The following RYR3 variants were observed in gnomAD, a reference collection of about 807,000 sequenced individuals.
The protein encoded by RYR3 is brain ryanodine receptor-calcium release channel.
In RYR3, 207 loss-of-function variants were observed where a neutral mutation model predicts 584.3. That is an observed-to-expected ratio of 0.35 (90% CI 0.32 to 0.40). The LOEUF (loss-of-function observed/expected upper bound fraction) is 0.40. RYR3 is among the 10% of genes least tolerant of loss of function. The pLI is 1.00. For synonymous variants in RYR3, 2,416 were observed against 2,248.5 expected (o/e 1.07, Z -2.11); for missense variants, 5,616 against 6,089.2 (o/e 0.92, Z 2.59).
chr15:33,694,800 T>C (rs1459101499), intron 38 of RYR3, among the ~76,000 whole-genome samples: 1 of 152,242 alleles, frequency 6.6e-6, no homozygotes, highest in Non-Finnish European at 1.5e-5. Flanking sequence ...TGCTTCTCTC[T>C]GACTTGGGTG....
At position 33,465,453 on chromosome 15, in the gene RYR3, T is replaced by C. The variant is rs906691520; in HGVS notation, c.52-7966T>C. Among the ~76,000 whole-genome samples, 8 of 152,188 alleles carry C rather than the reference T, an allele frequency of 5.3e-5. No homozygotes were observed. In the East Asian group the frequency reaches 1.5e-3, roughly 29 times the overall value. ...CATCTAGCATGCAAAGGTTCCCTTT[T>C]TTCCATATGCTCACCAATACTTCAT... On this transcript the variant is annotated intron_variant, in intron 1 of 103. Coordinates refer to ENST00000634891, the MANE Select transcript of RYR3 (RefSeq NM_001036.6).
intron 1 of RYR3, among the ~76,000 whole-genome samples, chr15:33,417,912 T>G (rs1313981456): frequency 6.6e-6 from 1 of 152,092 alleles, no homozygotes; most frequent in African/African-American, 2.4e-5. Context: ...TTATTGAACG[T>G]TTTTTCTTCA....
intron 94 of RYR3, chr15:33,851,186 T>C (rs1002104103): frequency 6.6e-6 from 1 of 152,198 alleles, no homozygotes; most frequent in South Asian, 2.1e-4. Flanking sequence ...CTGGCTTTTA[T>C]AAACAGTGCT....
At chr15:33,480,251 C>T (rs965715947) in intron 2 of RYR3, among the ~76,000 whole-genome samples, 1 of 152,214 alleles carries the variant, frequency 6.6e-6, no homozygotes, top group Non-Finnish European at 1.5e-5. Flanking sequence ...CTGGCTCCAA[C>T]ACTTAGCTGT....
chr15:33,775,263 A>T (rs1485929520), intron 64 of RYR3, among the ~76,000 whole-genome samples: 1 of 151,738 alleles, frequency 6.6e-6, no homozygotes, highest in African/African-American at 2.4e-5. Context: ...TTTTTCCTAA[A>T]TATTTTTTCC....
At chr15:33,409,279 G>A (rs112741595) in intron 1 of RYR3, among the ~76,000 whole-genome samples, 20 of 149,432 alleles carry the variant, frequency 1.3e-4, no homozygotes, top group East Asian at 3.9e-4. Flanking sequence ...GGTGTGCTGC[G>A]TATAATAAAT....
At chr15:33,417,505 A>G (rs1245940563) in intron 1 of RYR3, among the ~76,000 whole-genome samples, 1 of 152,122 alleles carries the variant, frequency 6.6e-6, no homozygotes, top group African/African-American at 2.4e-5. Context: ...ATTGGTGTGT[A>G]GAAATACTAC....
chr15:33,647,352 C>A (rs1416955083), intron 29 of RYR3, 72 bp from the exon 30 acceptor site: 5 of 1,216,516 alleles, frequency 4.1e-6, no homozygotes, highest in South Asian at 3.8e-5. Flanking sequence ...GAAGGTAGAT[C>A]AAGTTGCCTG....
intron 36 of RYR3, among the ~76,000 whole-genome samples, chr15:33,667,957 G>A (rs1017931609): frequency 3.3e-5 from 5 of 151,032 alleles, no homozygotes; most frequent in African/African-American, 7.3e-5. Flanking sequence ...CAGCTACTCG[G>A]CACCCTGAGG....
chr15:33,864,964 T>C (rs1889971038), intron 103 of RYR3, 167 bp from the exon 104 acceptor site: 1 of 561,230 alleles, frequency 1.8e-6, no homozygotes, highest in Non-Finnish European at 3.2e-6. Flanking sequence ...GGCTTCTTGC[T>C]TCCCAAACAG....
chr15:33,403,940 T>TA lies in RYR3; in HGVS notation c.52-69469dup, dbSNP rs35011874. Among the ~76,000 whole-genome samples the TA allele has an allele frequency of 1.5e-3, 233 of 150,594 alleles. 2 individuals are homozygous for TA. In the East Asian group the frequency reaches 0.027, roughly 18 times the overall value. The stretch of plus-strand genomic sequence containing the variant: ...GTTAGCCATAATTTTAGAGGAGTGG[T>TA]AAAAAAAAAATGCAATAGCCAAAAA... On this transcript the variant is annotated intron_variant, in intron 1 of 103. Transcript: ENST00000634891.
At chr15:33,561,367 G>C (rs1205072850) in intron 10 of RYR3, among the ~76,000 whole-genome samples, 1 of 152,186 alleles carries the variant, frequency 6.6e-6, no homozygotes, top group Non-Finnish European at 1.5e-5. Flanking sequence ...GGGTTTTGAA[G>C]GGTGAGTAGT....
intron 1 of RYR3, among the ~76,000 whole-genome samples, chr15:33,449,821 G>A (rs1365699483): frequency 6.6e-6 from 1 of 152,066 alleles, no homozygotes; most frequent in Non-Finnish European, 1.5e-5. Flanking sequence ...GTTCATGCTG[G>A]TGTGAAAGGA....
intron 72 of RYR3, among the ~76,000 whole-genome samples, chr15:33,812,053 G>A (rs1313606789): frequency 6.6e-6 from 1 of 152,050 alleles, no homozygotes; most frequent in African/African-American, 2.4e-5. Context: ...TTAGGGGCTT[G>A]GTTTTTTAAT....
At position 33,311,157 on chromosome 15, in the gene RYR3, A is replaced by T. The variant is rs79030891; in HGVS notation, c.51+61A>T. 0.047 allele frequency: 63,642 copies of T among 1,354,118 alleles called. 2,115 individuals are homozygous for T. Among genetic ancestry groups the T allele is most frequent in the African/African-American group, 0.15 (10,320 of 66,656 alleles). The allele number at this position is 1,354,118 out of a possible 1,614,324, so 83.9% of individuals were successfully genotyped here. ...GTGGGGAGGAGCGCGGAGCGCGGCG[A>T]GGAGGGGCTGGCTGCGCTGCGCCGC... On this transcript the variant is annotated intron_variant, in intron 1 of 103. Coordinates refer to ENST00000634891, the MANE Select transcript of RYR3 (RefSeq NM_001036.6). The surrounding 1 kb of genome is among the most constrained non-coding windows in gnomAD (Gnocchi z 4.4).
chr15:33,344,449 G>A (rs764585647), intron 1 of RYR3, among the ~76,000 whole-genome samples: 1 of 152,018 alleles, frequency 6.6e-6, no homozygotes, highest in South Asian at 2.1e-4. Context: ...TACAGTTTTC[G>A]GTTCCCCATT....
At chr15:33,461,000 A>G (rs2047989140) in intron 1 of RYR3, among the ~76,000 whole-genome samples, 1 of 126,950 alleles carries the variant, frequency 7.9e-6, no homozygotes, top group Non-Finnish European at 1.6e-5. Flanking sequence ...GCTGGAGTGC[A>G]GTGGCGTGAT....
intron 32 of RYR3, among the ~76,000 whole-genome samples, chr15:33,653,574 G>T (rs140143483): frequency 3.3e-5 from 5 of 151,922 alleles, no homozygotes; most frequent in African/African-American, 1.2e-4. Flanking sequence ...GGAGGCTGGG[G>T]CAGGAGAATC....
intron 1 of RYR3, among the ~76,000 whole-genome samples, chr15:33,422,313 A>T (rs2044295665): frequency 6.6e-6 from 1 of 152,208 alleles, no homozygotes. Flanking sequence ...GGTGATCAGA[A>T]TCTTTACTCC....
Sources: allele counts gnomAD v4.1 joint callset (sites outside exome capture counted in the v4.1 genomes callset), GRCh38; gene constraint gnomAD v4.1.1; non-coding constraint Gnocchi (gnomAD v3.1); transcripts MANE v1.5; gene names NCBI Gene and HGNC (gene_info 2026-07-23, HGNC 2026-07-21).